The following LANCL1 variants were observed in gnomAD, a reference collection of about 807,000 sequenced individuals.
LANCL1 encodes LanC like glutathione S-transferase 1.
In LANCL1, 50 loss-of-function variants were observed where a neutral mutation model predicts 50.6. The ratio of observed to expected loss-of-function variants is 0.99; its 90% CI spans 0.79 to 1.25. The LOEUF (loss-of-function observed/expected upper bound fraction) is 1.25. Ranked by LOEUF, LANCL1 falls within the 50% of genes most tolerant of loss-of-function variation. The probability of loss-of-function intolerance (pLI) is 0.00; values close to 1 mark genes in which losing one functional copy is unlikely to be tolerated. For missense variants in LANCL1, 532 were observed against 480.7 expected (o/e 1.11, Z -1.00); for synonymous variants, 188 against 178.6 (o/e 1.05, Z -0.42).
intron 3 of LANCL1, among the ~76,000 whole-genome samples, chr2:210,460,186 A>G (rs1009413112): frequency 6.6e-6 from 1 of 152,160 alleles, no homozygotes; most frequent in Non-Finnish European, 1.5e-5. Context: ...GCTTACAGTG[A>G]TGTAAAAAGC....
intron 2 of LANCL1, among the ~76,000 whole-genome samples, chr2:210,473,252 G>A (rs999591385): frequency 6.6e-6 from 1 of 152,174 alleles, no homozygotes; most frequent in Non-Finnish European, 1.5e-5. Context: ...GTGAACGCCT[G>A]TAATCCCAGC....
chr2:210,464,991 A>C (rs868226503), intron 3 of LANCL1, among the ~76,000 whole-genome samples: 22 of 151,940 alleles, frequency 1.4e-4, no homozygotes, highest in Non-Finnish European at 1.8e-4. Flanking sequence ...AAAAAAAAAA[A>C]CTTATGCGTA....
chr2:210,465,475 G>A (rs982374116), intron 3 of LANCL1, among the ~76,000 whole-genome samples: 2 of 152,110 alleles, frequency 1.3e-5, no homozygotes, highest in African/African-American at 4.8e-5. Context: ...CCAGCATAAG[G>A]ACCACTGTAA....
At chr2:210,471,731 A>G in intron 3 of LANCL1, 2 of 730,482 alleles carry the variant, frequency 2.7e-6, no homozygotes, top group Non-Finnish European at 5.0e-6. Flanking sequence ...AATGTCAGGC[A>G]TGAATTACAT....
intron 4 of LANCL1, 145 bp downstream of exon 4, chr2:210,454,962 A>G: frequency 1.5e-6 from 1 of 663,300 alleles, no homozygotes; most frequent in Non-Finnish European, 2.6e-6. Flanking sequence ...ACTACAACAC[A>G]GGAATATGAC....
chr2:210,453,510 G>C (rs1693570951), intron 4 of LANCL1, among the ~76,000 whole-genome samples: 1 of 152,282 alleles, frequency 6.6e-6, no homozygotes, highest in Non-Finnish European at 1.5e-5. Flanking sequence ...CCATCTGTTT[G>C]AATCTATGAA....
In LANCL1 at chr2:210,440,601, C is replaced by T. The variant is rs112466780; in HGVS notation, c.687G>A (p.Met229Ile). 1.2e-6 allele frequency: 2 copies of T among 1,611,952 alleles called. No homozygotes were observed. Among genetic ancestry groups the T allele is most frequent in the Non-Finnish European group, 1.7e-6 (2 of 1,179,180 alleles). The change falls in exon 6 of 10, where the codon ATG (methionine) becomes ATA (isoleucine). Residue 229 changes from methionine (M) to isoleucine (I), a missense_variant. Coordinates refer to ENST00000450366, the MANE Select transcript of LANCL1 (RefSeq NM_006055.3). ...TTTCACCATAATCACTCCTTACCTGCATCAGGTAGTAATAAATTCCAGCCA... is the reference window on the plus strand; with the variant it reads ...TTTCACCATAATCACTCCTTACCTGTATCAGGTAGTAATAAATTCCAGCCA... ...HGLAGIYYYL[M>I]QPSLQVSQGK...
Position 210,455,206 on chromosome 2 carries a change from G to A in LANCL1, c.308C>T (p.Ser103Phe). Reference sequence around the variant, plus strand: ...TGCATCCCCACAAAGGAAGGTGATGGAGCGCTTGGTTAAGCAGTTCAGACT... The same window carrying A: ...TGCATCCCCACAAAGGAAGGTGATGAAGCGCTTGGTTAAGCAGTTCAGACT... ...KQSLNCLTKR[S>F]ITFLCGDAGP... Residue 103 changes from serine to phenylalanine, a missense_variant, in exon 4 of 10, where the codon TCC becomes TTC. Transcript: ENST00000450366. 1 of 1,613,676 alleles carries A rather than the reference G, an allele frequency of 6.2e-7. No homozygotes were observed. The highest frequency in any genetic ancestry group is 1.1e-5 in the South Asian group (1 of 91,072).
chr2:210,462,190 C>G (rs1339528752), intron 3 of LANCL1, among the ~76,000 whole-genome samples: 3 of 152,136 alleles, frequency 2.0e-5, no homozygotes, highest in Non-Finnish European at 2.9e-5. Context: ...TGGATTTGAT[C>G]TTAAGGGGCC....
At chr2:210,443,802 C>T (rs1693223571) in intron 4 of LANCL1, among the ~76,000 whole-genome samples, 1 of 151,990 alleles carries the variant, frequency 6.6e-6, no homozygotes, top group Non-Finnish European at 1.5e-5. Context: ...CACTGAAGTG[C>T]CTCTTTTTCA....
At chr2:210,443,080 T>G (rs904792834) in intron 4 of LANCL1, among the ~76,000 whole-genome samples, 1 of 152,110 alleles carries the variant, frequency 6.6e-6, no homozygotes, top group African/African-American at 2.4e-5. Flanking sequence ...CCCAGATGCA[T>G]GCATAGTCAT....
rs1253118516 is a variant in LANCL1, at chr2:210,431,333, C to A, written c.*3154G>T. On this transcript the variant is annotated 3_prime_UTR_variant, in exon 10 of 10. Coordinates refer to ENST00000450366, the MANE Select transcript of LANCL1 (RefSeq NM_006055.3). ...GAAATACATATGATCCCAGCCTTTC[C>A]CATTAAATGACAACATAACATTGGG... 1 of 152,148 alleles carries A rather than the reference C, an allele frequency of 6.6e-6. No homozygotes were observed. The highest frequency in any genetic ancestry group is 1.5e-5 in the Non-Finnish European group (1 of 68,024). The allele number at this position is 152,148 out of a possible 1,614,324, so 9.4% of individuals were successfully genotyped here. A position where few individuals can be genotyped will look rare whatever the true frequency, so the allele number is the denominator to read the frequency against.
rs147136448 is a variant in LANCL1, at chr2:210,454,890, T to A, written c.407+217A>T. Among the ~76,000 whole-genome samples the A allele has an allele frequency of 3.4e-3, 518 of 152,348 alleles. 1 individual carries two copies. The highest frequency in any genetic ancestry group is 0.011 in the South Asian group (52 of 4,822). ...TTTACATTATTGAACTGATGTTTAATCTGGAACATGACAGTGTCTTTTATC... is the reference window on the plus strand; with the variant it reads ...TTTACATTATTGAACTGATGTTTAAACTGGAACATGACAGTGTCTTTTATC... On this transcript the variant is annotated intron_variant, in intron 4 of 9. Coordinates refer to ENST00000450366, the MANE Select transcript of LANCL1 (RefSeq NM_006055.3).
At position 210,476,318 on chromosome 2, in the gene LANCL1, T is replaced by C; in HGVS notation, c.79A>G (p.Arg27Gly). The change falls in exon 2 of 10, where the codon AGG (arginine) becomes GGG (glycine). Residue 27 changes from arginine (R) to glycine (G), a missense_variant and splice_region_variant. Physicochemically the swap from Arg to Gly is moderately radical, Grantham distance 125. Coordinates refer to ENST00000450366, the MANE Select transcript of LANCL1 (RefSeq NM_006055.3). ...LAEGYFDAAG[R>G]LTPEFSQRLT... Reference sequence around the variant, plus strand: ...AGGCAGACATATCCTAAACTCACCCTCCCGGCAGCATCAAAGTAGCCTTCG... The same window carrying C: ...AGGCAGACATATCCTAAACTCACCCCCCCGGCAGCATCAAAGTAGCCTTCG... 6.2e-7 allele frequency: 1 copy of C among 1,612,628 alleles called. No individual in the cohort carries two copies. The highest frequency in any genetic ancestry group is 8.5e-7 in the Non-Finnish European group (1 of 1,178,642).
chr2:210,466,964 G>A (rs961419522), intron 3 of LANCL1, among the ~76,000 whole-genome samples: 1 of 152,122 alleles, frequency 6.6e-6, no homozygotes, highest in African/African-American at 2.4e-5. Flanking sequence ...GTGGGGGATG[G>A]GGATGAAGGA....
Position 210,440,646 on chromosome 2 carries a change from A to G in LANCL1, c.642T>C (p.Tyr214=), listed in dbSNP as rs1300505511. ...PLMYEWYQEY[Y]VGAAHGLAGI... is the part of the protein sequence containing the mutation. ...CAGCCAGGCCATGAGCAGCCCCTAC[A>G]TAATATTCCTGGTACCATTCATACA... The change falls in exon 6 of 10, where the codon TAT becomes TAC. Residue 214 remains tyrosine, a synonymous_variant. Transcript: ENST00000450366. 1.2e-6 allele frequency: 2 copies of G among 1,613,958 alleles called. No individual in the cohort carries two copies. Among genetic ancestry groups the G allele is most frequent in the Admixed American group, 1.7e-5 (1 of 60,000 alleles).
intron 4 of LANCL1, among the ~76,000 whole-genome samples, chr2:210,447,148 A>T (rs1239192106): frequency 1.3e-5 from 2 of 152,232 alleles, no homozygotes; most frequent in Non-Finnish European, 1.5e-5. Flanking sequence ...CTAACAGTGG[A>T]TCTCTATGCA....
Position 210,441,364 on chromosome 2 carries a change from G to C in LANCL1, c.487C>G (p.Leu163Val). 1 of 1,613,308 alleles carries C rather than the reference G, an allele frequency of 6.2e-7. No individual in the cohort carries two copies. The highest frequency in any genetic ancestry group is 8.5e-7 in the Non-Finnish European group (1 of 1,179,506). The change falls in exon 5 of 10, where the codon CTT becomes GTT. Residue 163 changes from leucine (L) to valine (V), a missense_variant. Coordinates refer to ENST00000450366, the MANE Select transcript of LANCL1 (RefSeq NM_006055.3). ...ACTCCAAAGTTCTTATTGACAAAAA[G>C]AAGAGCATAGATGTAGCCTATTCGC... ...YGRIGYIYAL[L>V]FVNKNFGVEK...
At chr2:210,437,045 A>C (rs1238329016) in intron 7 of LANCL1, among the ~76,000 whole-genome samples, 1 of 152,204 alleles carries the variant, frequency 6.6e-6, no homozygotes, top group African/African-American at 2.4e-5. Flanking sequence ...GATAGTCTGC[A>C]GAGTTGTAAT....
Sources: allele counts gnomAD v4.1 joint callset (sites outside exome capture counted in the v4.1 genomes callset), GRCh38; gene constraint gnomAD v4.1.1; transcripts MANE v1.5; gene names NCBI Gene and HGNC (gene_info 2026-07-23, HGNC 2026-07-21).